The following METTL24 variants were observed in gnomAD, a reference collection of about 807,000 sequenced individuals.
The protein encoded by METTL24 is methyltransferase like 24.
A neutral mutation model predicts 32.7 loss-of-function variants in METTL24; 29 were observed. The observed-to-expected ratio is 0.89, with a 90% CI of 0.66 to 1.21. The LOEUF is 1.21. Among genes scored for constraint, METTL24 ranks in the 50% most tolerant of loss-of-function variants. The probability of loss-of-function intolerance (pLI) is 0.00; values close to 1 mark genes in which losing one functional copy is unlikely to be tolerated. For missense variants in METTL24, 439 were observed against 468.1 expected (o/e 0.94, Z 0.57); for synonymous variants, 163 against 179.5 (o/e 0.91, Z 0.73).
intron 4 of METTL24, among the ~76,000 whole-genome samples, chr6:110,274,835 G>A (rs542709318): frequency 1.5e-4 from 17 of 112,446 alleles, no homozygotes; most frequent in Non-Finnish European, 2.6e-4. Context: ...CAGCCTCACT[G>A]TCATCCAGGC....
intron 2 of METTL24, among the ~76,000 whole-genome samples, chr6:110,319,684 G>C (rs979156104): frequency 4.0e-5 from 6 of 151,398 alleles, no homozygotes; most frequent in African/African-American, 1.2e-4. Context: ...ACGGACTACA[G>C]AACTCTGTCG....
intron 4 of METTL24, among the ~76,000 whole-genome samples, chr6:110,290,159 AC>A (rs112332495): frequency 0.18 from 27,876 of 151,362 alleles, 6,074 homozygotes; most frequent in African/African-American, 0.53. Context: ...CAAGAGATCC[AC>A]CCCCCCTCAG....
intron 4 of METTL24, among the ~76,000 whole-genome samples, chr6:110,252,972 T>C (rs1778309951): frequency 6.6e-6 from 1 of 152,186 alleles, no homozygotes; most frequent in Non-Finnish European, 1.5e-5. Context: ...CCACAAATTA[T>C]GTAGCCCATC....
At position 110,246,054 on chromosome 6, in the gene METTL24, A is replaced by C. The variant is rs759158646; in HGVS notation, c.993T>G (p.Leu331=). 4 of 1,614,044 alleles carry C rather than the reference A, an allele frequency of 2.5e-6. No individual in the cohort carries two copies. Among genetic ancestry groups the C allele is most frequent in the Non-Finnish European group, 3.4e-6 (4 of 1,180,022 alleles). The change falls in exon 5 of 5, where the codon CTT becomes CTG. Residue 331 remains leucine (L), a synonymous_variant. Transcript: ENST00000338882. ...LKELEQKDFR[L]FHSYKDLSKP... ...TAGATAAGTCTTTGTAACTGTGAAA[A>C]AGCCTGAAATCCTTTTGTTCTAACT... is the stretch of plus-strand genomic sequence containing the variant.
At chr6:110,340,499 TG>T (rs1263540831) in intron 1 of METTL24, among the ~76,000 whole-genome samples, 1 of 152,190 alleles carries the variant, frequency 6.6e-6, no homozygotes, top group Non-Finnish European at 1.5e-5. Flanking sequence ...ACAGGAGCCC[TG>T]GGCTAGGGGA....
At chr6:110,263,847 T>C (rs201970016) in intron 4 of METTL24, among the ~76,000 whole-genome samples, 1 of 152,022 alleles carries the variant, frequency 6.6e-6, no homozygotes, top group African/African-American at 2.4e-5. Context: ...CTTTGACAAA[T>C]CTGACAAAAA....
At chr6:110,354,418 G>A (rs1442668076) in intron 1 of METTL24, among the ~76,000 whole-genome samples, 2 of 152,136 alleles carry the variant, frequency 1.3e-5, no homozygotes, top group Non-Finnish European at 2.9e-5. Context: ...ATTTCATGCA[G>A]GTTTTCATCT....
At chr6:110,348,657 G>A (rs1288956385) in intron 1 of METTL24, among the ~76,000 whole-genome samples, 1 of 152,230 alleles carries the variant, frequency 6.6e-6, no homozygotes, top group Non-Finnish European at 1.5e-5. Flanking sequence ...GACGGATTCT[G>A]AAAACATGTT....
At chr6:110,278,794 G>T (rs1160620377) in intron 4 of METTL24, among the ~76,000 whole-genome samples, 1 of 152,134 alleles carries the variant, frequency 6.6e-6, no homozygotes, top group East Asian at 1.9e-4. Flanking sequence ...GGCCGAAGTG[G>T]GAAGATCACT....
At chr6:110,283,450 G>A (rs984929328) in intron 4 of METTL24, among the ~76,000 whole-genome samples, 7 of 152,088 alleles carry the variant, frequency 4.6e-5, no homozygotes, top group Admixed American at 2.0e-4. Context: ...TCCTCTCACC[G>A]CTCCCCAGAG....
At chr6:110,247,841 G>A (rs1454871812) in intron 4 of METTL24, among the ~76,000 whole-genome samples, 2 of 152,312 alleles carry the variant, frequency 1.3e-5, no homozygotes, top group East Asian at 3.9e-4. Context: ...CAAACGTGAG[G>A]CTCCTTGTGC....
intron 1 of METTL24, among the ~76,000 whole-genome samples, chr6:110,352,142 AT>A (rs1772616997): frequency 6.6e-6 from 1 of 152,184 alleles, no homozygotes; most frequent in South Asian, 2.1e-4. Context: ...TAGGTAACTC[AT>A]CTTCCTTAAC....
intron 4 of METTL24, among the ~76,000 whole-genome samples, chr6:110,246,683 T>A (rs1468001508): frequency 1.3e-5 from 2 of 152,008 alleles, no homozygotes; most frequent in Non-Finnish European, 2.9e-5. Flanking sequence ...GAAGTTAGAG[T>A]GAGTGTATCA....
intron 4 of METTL24, among the ~76,000 whole-genome samples, chr6:110,282,533 C>T (rs1227367897): frequency 6.6e-6 from 1 of 152,114 alleles, no homozygotes. Context: ...ACTTAATTTA[C>T]CTTGCTATTC....
At position 110,303,056 on chromosome 6, in the gene METTL24, G is replaced by A. The variant is rs527977558; in HGVS notation, c.558-3906C>T. ...GGCGTCGCTTCACCCAGGAAGCACA[G>A]GGGGTCGGGAAATCCCTCCCCTAGT... On this transcript the variant is annotated intron_variant, in intron 3 of 4. Coordinates refer to ENST00000338882, the MANE Select transcript of METTL24 (RefSeq NM_001123364.3). Among the ~76,000 whole-genome samples, 818 of 152,250 alleles carry A rather than the reference G, an allele frequency of 5.4e-3. 5 individuals are homozygous for A. The highest frequency in any genetic ancestry group is 0.014 in the Middle Eastern group (4 of 294).
chr6:110,259,520 T>TG (rs1235566334), intron 4 of METTL24, among the ~76,000 whole-genome samples: 1 of 152,232 alleles, frequency 6.6e-6, no homozygotes, highest in African/African-American at 2.4e-5. Context: ...TGCCTGCCTC[T>TG]GTGGACTCCA....
In METTL24 at chr6:110,357,989, C is replaced by T; in HGVS notation, c.284G>A (p.Gly95Asp). The T allele has an allele frequency of 8.5e-7, 1 of 1,177,046 alleles. No homozygotes were observed. Among genetic ancestry groups the T allele is most frequent in the Non-Finnish European group, 1.0e-6 (1 of 952,762 alleles). 72.9% of individuals were successfully genotyped at this position (1,177,046 alleles called of 1,614,324 possible). The change falls in exon 1 of 5, where the codon GGC becomes GAC. Residue 95 changes from glycine (G) to aspartate (D), a missense_variant. Gly to Asp is a moderately conservative substitution (Grantham distance 94). Transcript: ENST00000338882. ...GGGGCGCCCGCGCGGGGCACAGCAG[C>T]CAGGCTCCGGCGTCCCGCTCCCGCC... ...GGGGSGTPEP[G>D]CCAPRGRPRR...
chr6:110,338,812 T>C (rs1187218691), intron 1 of METTL24, among the ~76,000 whole-genome samples: 1 of 152,190 alleles, frequency 6.6e-6, no homozygotes. Flanking sequence ...AATTAGTCTA[T>C]AATATTGAAA....
chr6:110,265,617 T>TTA (rs1326728715), intron 4 of METTL24, among the ~76,000 whole-genome samples: 1 of 152,198 alleles, frequency 6.6e-6, no homozygotes, highest in Non-Finnish European at 1.5e-5. Context: ...AAGGCTATAC[T>TTA]TAGTGCTTCC....
Sources: gnomAD v4.1 joint callset for allele counts (sites outside exome capture counted in the v4.1 genomes callset) on GRCh38, gnomAD v4.1.1 for gene constraint, MANE v1.5 for transcripts, NCBI Gene and HGNC (gene_info 2026-07-23, HGNC 2026-07-21) for gene names.